Variants in MED1 observed in about 807,000 individuals in gnomAD.
MED1 encodes the protein mediator of RNA polymerase II transcription subunit 1.
Under a neutral mutation model 121.3 loss-of-function variants are expected in MED1, and 17 were observed. That is an observed-to-expected ratio of 0.14 (90% confidence interval 0.10 to 0.21). The LOEUF (loss-of-function observed/expected upper bound fraction) is 0.21. Ranked by LOEUF, MED1 falls within the 10% of genes least tolerant of loss-of-function variation. The probability of loss-of-function intolerance (pLI) is 1.00; values close to 1 mark genes in which losing one functional copy is unlikely to be tolerated. For synonymous variants in MED1, 661 were observed against 694.4 expected, an observed-to-expected ratio of 0.95 and a Z score of 0.76; for missense variants, 1,558 against 1,919.4, an observed-to-expected ratio of 0.81 and a Z score of 3.52.
chr17:39,447,798 C>T lies in MED1; in HGVS notation c.132G>A (p.Met44Ile). ...TTACCCACTTCACCACAATCCTTAC[C>T]ATGACTTGACGCACAAGCTTAATGG... Reference protein sequence around the residue: ...SETIKLVRQVMEKRVVMSSGG... With the variant: ...SETIKLVRQVIEKRVVMSSGG... The change falls in exon 2 of 17, where the codon ATG (methionine) becomes ATA (isoleucine). Residue 44 changes from methionine (M) to isoleucine (I), a missense_variant and splice_region_variant. Coordinates refer to ENST00000300651, the MANE Select transcript of MED1 (RefSeq NM_004774.4). The T allele has an allele frequency of 6.2e-7, 1 of 1,608,012 alleles. No homozygotes were observed.
intron 13 of MED1, among the ~76,000 whole-genome samples, chr17:39,423,008 G>A (rs1246125882): frequency 1.3e-5 from 2 of 151,182 alleles, no homozygotes; most frequent in Non-Finnish European, 2.9e-5. Flanking sequence ...TGGGATTACA[G>A]GCACCCGCCA....
rs756304145 is a variant in MED1, at chr17:39,409,014, C to A, written c.3207G>T (p.Lys1069Asn). 6.2e-7 allele frequency: 1 copy of A among 1,614,128 alleles called. No individual in the cohort carries two copies. The highest frequency in any genetic ancestry group is 8.5e-7 in the Non-Finnish European group (1 of 1,180,024). ...AAGGCTTGCCCACCATCACTGTTCCCTTAGGAATCTGAATAGTGATTTTGG... is the reference window on the plus strand; with the variant it reads ...AAGGCTTGCCCACCATCACTGTTCCATTAGGAATCTGAATAGTGATTTTGG... ...PIPKITIQIP[K>N]GTVMVGKPSS... The change falls in exon 17 of 17, where the codon AAG becomes AAT. Residue 1069 changes from lysine to asparagine, a missense_variant. By Grantham distance (94) the Lys-to-Asn change is moderately conservative (BLOSUM62 0). This residue lies in a region of MED1 where 793 missense variants were observed against 898.2 expected (regional missense o/e 0.88). Coordinates refer to ENST00000300651, the MANE Select transcript of MED1 (RefSeq NM_004774.4).
chr17:39,414,950 G>T lies in MED1; in HGVS notation c.1499+76C>A, dbSNP rs111950947. ...CCCAAAGTGTGGGGATTACAGGCGT[G>T]AGCCACCGCGCCCTACTCAACAACA... On this transcript the variant is annotated intron_variant, in intron 16 of 16. Coordinates refer to ENST00000300651, the MANE Select transcript of MED1 (RefSeq NM_004774.4). 2,432 of 1,335,736 alleles carry T rather than the reference G, an allele frequency of 1.8e-3. 34 individuals are homozygous for T. The African/African-American group carries it at 0.031, about 17-fold the overall frequency. 82.7% of individuals were successfully genotyped at this position (1,335,736 alleles called of 1,614,324 possible). A position where few individuals can be genotyped will look rare whatever the true frequency, so the allele number is the denominator to read the frequency against.
At chr17:39,429,346 T>C (rs2048543194) in intron 9 of MED1, among the ~76,000 whole-genome samples, 1 of 152,086 alleles carries the variant, frequency 6.6e-6, no homozygotes. Flanking sequence ...AGCAAGGCTC[T>C]GTCTCAAAAA....
chr17:39,439,117 A>G (rs555724238), intron 6 of MED1, 48 bp downstream of exon 6: 44 of 1,544,986 alleles, frequency 2.8e-5, no homozygotes, highest in Non-Finnish European at 3.3e-5. Flanking sequence ...AGCTGTAAAG[A>G]ACAGCACTGT....
chr17:39,436,424 A>T (rs374493627), intron 6 of MED1, among the ~76,000 whole-genome samples: 2 of 151,770 alleles, frequency 1.3e-5, no homozygotes, highest in South Asian at 2.1e-4. Flanking sequence ...TATTTCCTCA[A>T]TGTGAACACT....
intron 6 of MED1, 31 bp downstream of exon 6, chr17:39,439,134 A>G: frequency 1.3e-6 from 2 of 1,585,196 alleles, no homozygotes; most frequent in Non-Finnish European, 1.7e-6. Flanking sequence ...CTGTCTGTCA[A>G]TATCAAGGAA....
At chr17:39,447,291 T>C (rs2048737101) in intron 2 of MED1, among the ~76,000 whole-genome samples, 1 of 151,584 alleles carries the variant, frequency 6.6e-6, no homozygotes, top group South Asian at 2.1e-4. Context: ...TTCGGGAGGC[T>C]GAGGCAGAAG....
At chr17:39,414,928 A>C (rs2048394538) in intron 16 of MED1, 98 bp downstream of exon 16, 1 of 1,068,904 alleles carries the variant, frequency 9.4e-7, no homozygotes, top group Non-Finnish European at 1.4e-6. Flanking sequence ...TCGGCCTCCC[A>C]AAGTGTGGGG....
intron 11 of MED1, among the ~76,000 whole-genome samples, chr17:39,424,094 G>T (rs909312894): frequency 6.6e-6 from 1 of 152,070 alleles, no homozygotes; most frequent in Non-Finnish European, 1.5e-5. Context: ...TGTTGGCCAG[G>T]CTGGTCTTGA....
chr17:39,443,687 T>G (rs1333015376), intron 2 of MED1, 59 bp from the exon 3 acceptor site: 2 of 1,346,046 alleles, frequency 1.5e-6, no homozygotes, highest in Non-Finnish European at 2.1e-6. Context: ...GTGTTTTAGG[T>G]AAACATACAC....
intron 16 of MED1, among the ~76,000 whole-genome samples, chr17:39,413,174 A>G (rs1021657587): frequency 6.6e-6 from 1 of 151,900 alleles, no homozygotes; most frequent in Non-Finnish European, 1.5e-5. Context: ...TCCCAGGTTC[A>G]AGCAATTCTC....
chr17:39,433,226 G>A (rs574672325), intron 7 of MED1, among the ~76,000 whole-genome samples: 194 of 151,394 alleles, frequency 1.3e-3, no homozygotes, highest in Admixed American at 2.9e-3. Context: ...ATAATTAGCC[G>A]GGCGTGGTGG....
chr17:39,411,993 C>A (rs1423159835), intron 16 of MED1, among the ~76,000 whole-genome samples: 1 of 139,270 alleles, frequency 7.2e-6, no homozygotes, highest in African/African-American at 2.6e-5. Context: ...GGTGACAGTA[C>A]AAGACTCCAT....
At chr17:39,441,802 G>A (rs1293167965) in intron 3 of MED1, among the ~76,000 whole-genome samples, 1 of 151,716 alleles carries the variant, frequency 6.6e-6, no homozygotes, top group Non-Finnish European at 1.5e-5. Flanking sequence ...AAAAGGTAAA[G>A]AAGATAATAC....
chr17:39,412,569 C>T (rs1176627261), intron 16 of MED1, among the ~76,000 whole-genome samples: 6 of 141,962 alleles, frequency 4.2e-5, no homozygotes, highest in African/African-American at 7.9e-5. Context: ...GACAGAGTCT[C>T]GCTCTGTTAT....
chr17:39,434,437 C>T, intron 6 of MED1, 117 bp from the exon 7 acceptor site: 2 of 512,286 alleles, frequency 3.9e-6, no homozygotes, highest in Non-Finnish European at 6.9e-6. Flanking sequence ...TAATAATCAG[C>T]TTTAACCATT....
chr17:39,425,749 C>A (rs970713309), intron 10 of MED1, among the ~76,000 whole-genome samples: 2 of 151,490 alleles, frequency 1.3e-5, no homozygotes, highest in African/African-American at 2.4e-5. Context: ...TTGCAGTGAG[C>A]CGAAATCGCA....
intron 2 of MED1, 65 bp from the exon 3 acceptor site, chr17:39,443,693 T>C: frequency 7.8e-7 from 1 of 1,281,820 alleles, no homozygotes; most frequent in Non-Finnish European, 1.1e-6. Flanking sequence ...TAGGTAAACA[T>C]ACACATTATC....
Sources: gnomAD v4.1 joint callset for allele counts (sites outside exome capture counted in the v4.1 genomes callset) on GRCh38, gnomAD v4.1.1 for gene constraint, gnomAD v4.1.1 regional missense constraint, MANE v1.5 for transcripts, NCBI Gene and HGNC (gene_info 2026-07-23, HGNC 2026-07-21) for gene names.